MAST4: variants seen among roughly 807,000 people sequenced by gnomAD.
MAST4 encodes the protein microtubule-associated serine/threonine-protein kinase 4.
Under a neutral mutation model 162.7 loss-of-function variants are expected in MAST4, and 89 were observed. The ratio of observed to expected loss-of-function variants is 0.55; its 90% CI spans 0.46 to 0.65. The LOEUF (loss-of-function observed/expected upper bound fraction) is 0.65. MAST4 is among the 30% of genes least tolerant of loss of function. The probability of loss-of-function intolerance (pLI) is 0.00; values close to 1 mark genes in which losing one functional copy is unlikely to be tolerated. For synonymous variants in MAST4, 1,479 were observed against 1,361.1 expected, an observed-to-expected ratio of 1.09 and a Z score of -1.91; for missense variants, 3,153 against 3,374.0, an observed-to-expected ratio of 0.93 and a Z score of 1.62.
chr5:66,908,141 T>G (rs929643023), intron 4 of MAST4, among the ~76,000 whole-genome samples: 8 of 152,214 alleles, frequency 5.3e-5, no homozygotes, highest in African/African-American at 1.9e-4. Flanking sequence ...GATTTCAGAC[T>G]GTGGAAGAAT....
At chr5:66,928,869 G>A (rs1765095483) in intron 4 of MAST4, among the ~76,000 whole-genome samples, 1 of 152,272 alleles carries the variant, frequency 6.6e-6, no homozygotes, top group Non-Finnish European at 1.5e-5. Context: ...GTGTCTCCTT[G>A]GTGAATGATG....
At chr5:66,989,300 G>A (rs1749830830) in intron 4 of MAST4, among the ~76,000 whole-genome samples, 1 of 152,056 alleles carries the variant, frequency 6.6e-6, no homozygotes, top group Admixed American at 6.6e-5. Context: ...TCAGGTTTAG[G>A]CTCCTTACTT....
intron 1 of MAST4, among the ~76,000 whole-genome samples, chr5:66,728,690 C>T (rs1035783161): frequency 2.0e-5 from 3 of 152,202 alleles, no homozygotes; most frequent in African/African-American, 4.8e-5. Context: ...AAACAAAGGA[C>T]ACCTTCACTG....
intron 1 of MAST4, among the ~76,000 whole-genome samples, chr5:66,741,367 G>A (rs1752467701): frequency 6.6e-6 from 1 of 152,168 alleles, no homozygotes; most frequent in Non-Finnish European, 1.5e-5. Flanking sequence ...TTGGCACATA[G>A]TAGATGCTCA....
chr5:66,877,458 C>T (rs1304275973), intron 3 of MAST4, among the ~76,000 whole-genome samples: 1 of 152,204 alleles, frequency 6.6e-6, no homozygotes, highest in Non-Finnish European at 1.5e-5. Flanking sequence ...CACAGGGTCG[C>T]ACAGCTGGTA....
intron 2 of MAST4, among the ~76,000 whole-genome samples, chr5:66,767,167 GCAC>G (rs1244434905): frequency 4.4e-4 from 56 of 126,926 alleles, no homozygotes; most frequent in African/African-American, 1.5e-3. Flanking sequence ...AATGTAAAGT[GCAC>G]GTGTGTGTGT....
intron 4 of MAST4, among the ~76,000 whole-genome samples, chr5:66,971,270 A>G (rs1384026671): frequency 1.3e-5 from 2 of 152,114 alleles, no homozygotes; most frequent in South Asian, 4.1e-4. Flanking sequence ...TTTGTTTTAG[A>G]CAGAGCCTAG....
At chr5:66,822,559 A>T (rs1312631207) in intron 3 of MAST4, among the ~76,000 whole-genome samples, 1 of 152,168 alleles carries the variant, frequency 6.6e-6, no homozygotes, top group Non-Finnish European at 1.5e-5. Context: ...AGAGACATTT[A>T]AGAGGAAAGT....
At chr5:66,955,077 G>A (rs1282774044) in intron 4 of MAST4, among the ~76,000 whole-genome samples, 3 of 151,916 alleles carry the variant, frequency 2.0e-5, no homozygotes, top group African/African-American at 7.2e-5. Flanking sequence ...ATGGTGGAAT[G>A]TGTCTGTGGT....
At chr5:66,881,071 C>A (rs189564279) in intron 3 of MAST4, among the ~76,000 whole-genome samples, 1 of 152,224 alleles carries the variant, frequency 6.6e-6, no homozygotes, top group African/African-American at 2.4e-5. Flanking sequence ...AGCACCAAGA[C>A]TGAAAACAAA....
At chr5:67,050,497 C>T (rs530656791) in intron 4 of MAST4, among the ~76,000 whole-genome samples, 1 of 152,334 alleles carries the variant, frequency 6.6e-6, no homozygotes, top group South Asian at 2.1e-4. Flanking sequence ...TTCCCCTTCC[C>T]ATTCTTCTCG....
At chr5:66,891,108 G>T (rs767244308) in intron 3 of MAST4, among the ~76,000 whole-genome samples, 2 of 152,130 alleles carry the variant, frequency 1.3e-5, no homozygotes, top group Non-Finnish European at 2.9e-5. Flanking sequence ...TCAGGGACTC[G>T]CTGGTGTAAC....
intron 4 of MAST4, among the ~76,000 whole-genome samples, chr5:66,964,499 T>A (rs1212163474): frequency 6.6e-6 from 1 of 152,170 alleles, no homozygotes; most frequent in African/African-American, 2.4e-5. Context: ...TTTCCCCTTT[T>A]TAAAAATCCT....
chr5:66,605,156 C>G (rs762684353), intron 1 of MAST4, among the ~76,000 whole-genome samples: 1 of 152,142 alleles, frequency 6.6e-6, no homozygotes, highest in Non-Finnish European at 1.5e-5. Context: ...ATACTTTTAG[C>G]TGGAGTGGCT....
At chr5:67,141,384 T>C (rs1770396429) in intron 19 of MAST4, among the ~76,000 whole-genome samples, 1 of 152,266 alleles carries the variant, frequency 6.6e-6, no homozygotes. Context: ...ACATGTACCT[T>C]TTTCTCTTTA....
chr5:66,843,094 T>G (rs141647544), intron 3 of MAST4, among the ~76,000 whole-genome samples: 1 of 152,326 alleles, frequency 6.6e-6, no homozygotes, highest in Non-Finnish European at 1.5e-5. Context: ...CTTTTAAATC[T>G]ACTCCATGTA....
At position 66,650,020 on chromosome 5, in the gene MAST4, C is replaced by A. The variant is rs147486426; in HGVS notation, c.363+53002C>A. 2.0e-5 allele frequency among the ~76,000 whole-genome samples: 3 copies of A among 152,170 alleles called. No individual in the cohort carries two copies. The East Asian group carries it at 5.8e-4, about 29-fold the overall frequency. The stretch of plus-strand genomic sequence containing the variant: ...CAAATGGCAGTCTAACCACTTCTTA[C>A]AGGCTAATTGACCATGCTCCAACTT... On this transcript the variant is annotated intron_variant, in intron 1 of 28. Transcript: ENST00000403625.
chr5:67,054,575 G>T (rs1758579469), intron 5 of MAST4, 83 bp downstream of exon 5: 1 of 1,223,566 alleles, frequency 8.2e-7, no homozygotes, highest in South Asian at 1.4e-5. Context: ...TTGATATTTG[G>T]TATGTCTTCA....
At chr5:67,003,120 T>C (rs2150321713) in intron 4 of MAST4, among the ~76,000 whole-genome samples, 1 of 151,966 alleles carries the variant, frequency 6.6e-6, no homozygotes, top group South Asian at 2.1e-4. Context: ...TTGCAATACT[T>C]AGAAACATTT....
Sources: allele counts gnomAD v4.1 joint callset (sites outside exome capture counted in the v4.1 genomes callset), GRCh38; gene constraint gnomAD v4.1.1; transcripts MANE v1.5; gene names NCBI Gene and HGNC (gene_info 2026-07-23, HGNC 2026-07-21).